Variants in MGAT4C observed in about 807,000 individuals in gnomAD.
MGAT4C encodes the protein MGAT4 family member C.
A neutral mutation model predicts 40.1 loss-of-function variants in MGAT4C; 19 were observed. The observed-to-expected ratio is 0.47, with a 90% CI of 0.33 to 0.70. The LOEUF is 0.70. Ranked by LOEUF, MGAT4C falls within the 30% of genes least tolerant of loss-of-function variation. The pLI is 0.02. For synonymous variants in MGAT4C, 181 were observed against 187.1 expected, an observed-to-expected ratio of 0.97 and a Z score of 0.27; for missense variants, 491 against 563.2, an observed-to-expected ratio of 0.87 and a Z score of 1.30.
rs954141692 is a variant in MGAT4C at position 86,837,909 on chromosome 12, T to C, written c.-262+757A>G. Among the ~76,000 whole-genome samples the C allele has an allele frequency of 1.1e-4, 17 of 152,316 alleles. No individual in the cohort carries two copies. In the East Asian group the frequency reaches 3.3e-3, roughly 29 times the overall value. ...ATAAATTTCAGTTTCGAATAAGGCT[T>C]TCTCCCATTTTATCGGTTCTGTTGA... On this transcript the variant is annotated intron_variant, in intron 1 of 7. Coordinates refer to the MGAT4C transcript ENST00000548651.
intron 1 of MGAT4C, among the ~76,000 whole-genome samples, chr12:86,823,072 G>T (rs893634774): frequency 3.3e-5 from 5 of 150,522 alleles, no homozygotes; most frequent in South Asian, 2.1e-4. Context: ...TTAGAAAAAT[G>T]CTTCAAGAAA....
At chr12:86,413,006 T>C (rs1169491843) in intron 3 of MGAT4C, among the ~76,000 whole-genome samples, 1 of 152,182 alleles carries the variant, frequency 6.6e-6, no homozygotes, top group South Asian at 2.1e-4. Flanking sequence ...GCTCTGGCCA[T>C]GTAAGGCTGT....
intron 2 of MGAT4C, among the ~76,000 whole-genome samples, chr12:86,667,304 A>T (rs1313988077): frequency 6.6e-6 from 1 of 152,208 alleles, no homozygotes. Flanking sequence ...TAGCAGACAC[A>T]TGCTAGATTA....
chr12:86,186,701 C>T (rs1888795815), intron 1 of MGAT4C, among the ~76,000 whole-genome samples: 1 of 152,032 alleles, frequency 6.6e-6, no homozygotes, highest in Non-Finnish European at 1.5e-5. Flanking sequence ...AACCATATTC[C>T]ACATTCTTTG....
intron 2 of MGAT4C, among the ~76,000 whole-genome samples, chr12:86,459,768 G>C (rs1957568862): frequency 7.1e-6 from 1 of 141,834 alleles, no homozygotes; most frequent in African/African-American, 2.6e-5. Context: ...CTTGAGTTAA[G>C]GGGAAGTATC....
intron 1 of MGAT4C, among the ~76,000 whole-genome samples, chr12:86,110,498 G>GA (rs1877183832): frequency 6.7e-6 from 1 of 149,406 alleles, no homozygotes; most frequent in African/African-American, 2.4e-5. Context: ...ATATTTGAAT[G>GA]AAAAAATCTG....
At chr12:86,389,561 T>C (rs1956127347) in intron 3 of MGAT4C, among the ~76,000 whole-genome samples, 1 of 152,198 alleles carries the variant, frequency 6.6e-6, no homozygotes, top group Non-Finnish European at 1.5e-5. Flanking sequence ...TATGTACCCA[T>C]AATGGGATTG....
intron 3 of MGAT4C, among the ~76,000 whole-genome samples, chr12:86,374,162 T>C (rs1433297689): frequency 2.0e-5 from 3 of 152,182 alleles, no homozygotes; most frequent in African/African-American, 7.2e-5. Flanking sequence ...ATGAGAGATG[T>C]GTTTAGCTGT....
intron 2 of MGAT4C, among the ~76,000 whole-genome samples, chr12:86,509,818 T>C (rs1376602874): frequency 6.6e-6 from 1 of 152,152 alleles, no homozygotes; most frequent in African/African-American, 2.4e-5. Context: ...ATTCTCTTTG[T>C]AGCAATTGTG....
At chr12:86,015,023 GGCTGGTCTT>G (rs965227529) in intron 2 of MGAT4C, among the ~76,000 whole-genome samples, 3 of 144,546 alleles carry the variant, frequency 2.1e-5, no homozygotes, top group Non-Finnish European at 4.5e-5. Flanking sequence ...ATGTTGTCCA[GGCTGGTCTT>G]GAACTTCTGA....
chr12:86,340,150 T>A (rs1181737259), intron 3 of MGAT4C, among the ~76,000 whole-genome samples: 1 of 152,228 alleles, frequency 6.6e-6, no homozygotes, highest in African/African-American at 2.4e-5. Context: ...TTTTGCTTCA[T>A]GTGCTTTTAT....
intron 2 of MGAT4C, among the ~76,000 whole-genome samples, chr12:86,702,455 G>C (rs1950380062): frequency 6.6e-6 from 1 of 152,104 alleles, no homozygotes; most frequent in South Asian, 2.1e-4. Flanking sequence ...CAAAGGACAG[G>C]CTGGGCTGAC....
chr12:86,744,088 T>C (rs959931795), intron 1 of MGAT4C, among the ~76,000 whole-genome samples: 1 of 151,538 alleles, frequency 6.6e-6, no homozygotes, highest in South Asian at 2.1e-4. Context: ...GAACATGTAC[T>C]GAAATTTACA....
chr12:86,779,769 C>T lies in MGAT4C; in HGVS notation c.-261-52528G>A, dbSNP rs541444816. Among the ~76,000 whole-genome samples the T allele has an allele frequency of 1.7e-3, 260 of 151,834 alleles. 1 individual carries two copies. The highest frequency in any genetic ancestry group is 6.8e-3 in the Middle Eastern group (2 of 294). ...TCTACTAAAAATACAAAAAATTAGC[C>T]GGGCGTGGTGGCGGGCGCCTGTAGT... On this transcript the variant is annotated intron_variant, in intron 1 of 7. Coordinates refer to the MGAT4C transcript ENST00000548651.
At chr12:86,584,732 C>T (rs1377036175) in intron 2 of MGAT4C, among the ~76,000 whole-genome samples, 1 of 151,178 alleles carries the variant, frequency 6.6e-6, no homozygotes, top group Non-Finnish European at 1.5e-5. Flanking sequence ...TGAGTGAAGT[C>T]CAATTTTATT....
chr12:86,703,970 T>C (rs1239517583), intron 2 of MGAT4C, among the ~76,000 whole-genome samples: 2 of 152,166 alleles, frequency 1.3e-5, no homozygotes, highest in African/African-American at 4.8e-5. Flanking sequence ...TGTTACTTTC[T>C]TTCCATATAG....
intron 2 of MGAT4C, chr12:86,011,770 C>T (rs1888484878): frequency 1.1e-6 from 1 of 885,354 alleles, no homozygotes; most frequent in African/African-American, 1.8e-5. Flanking sequence ...GGAATAAACA[C>T]TATATTGAAC....
chr12:86,517,619 T>A (rs971992366), intron 2 of MGAT4C, among the ~76,000 whole-genome samples: 1 of 150,312 alleles, frequency 6.7e-6, no homozygotes, highest in African/African-American at 2.4e-5. Context: ...AGTGACTTTT[T>A]ATTTATTTAT....
At chr12:86,673,700 T>C (rs1018733184) in intron 2 of MGAT4C, among the ~76,000 whole-genome samples, 9 of 152,166 alleles carry the variant, frequency 5.9e-5, no homozygotes, top group Non-Finnish European at 1.2e-4. Context: ...TATTTCCTAG[T>C]TATAATCCTC....
Sources: allele counts gnomAD v4.1 joint callset (sites outside exome capture counted in the v4.1 genomes callset), GRCh38; gene constraint gnomAD v4.1.1; transcripts MANE v1.5; gene names NCBI Gene and HGNC (gene_info 2026-07-23, HGNC 2026-07-21).